The following IQGAP1 variants were observed in gnomAD, a reference collection of about 807,000 sequenced individuals.
IQGAP1 encodes ras GTPase-activating-like protein IQGAP1.
A neutral mutation model predicts 215.6 loss-of-function variants in IQGAP1; 66 were observed. The observed-to-expected ratio is 0.31, with a 90% CI of 0.25 to 0.38. The LOEUF (loss-of-function observed/expected upper bound fraction) is 0.38, where lower values mean the gene tolerates loss of function less well. Ranked by LOEUF, IQGAP1 falls within the 10% of genes least tolerant of loss-of-function variation. IQGAP1 has a pLI of 1.00. For synonymous variants in IQGAP1, 772 were observed against 728.7 expected, an observed-to-expected ratio of 1.06 and a Z score of -0.96; for missense variants, 1,712 against 1,997.1, an observed-to-expected ratio of 0.86 and a Z score of 2.72.
chr15:90,395,341 A>G (rs528305504), intron 2 of IQGAP1, among the ~76,000 whole-genome samples: 542 of 151,502 alleles, frequency 3.6e-3, no homozygotes, highest in Non-Finnish European at 5.4e-3. Flanking sequence ...TTTTTTTTGA[A>G]ACGGAGTCTC....
chr15:90,450,722 T>C (rs535486767), intron 11 of IQGAP1, among the ~76,000 whole-genome samples: 2 of 152,218 alleles, frequency 1.3e-5, no homozygotes, highest in South Asian at 2.1e-4. Context: ...TTTTTTCATA[T>C]ACCTGTTGGC....
At chr15:90,458,996 T>G (rs1965724893) in intron 15 of IQGAP1, among the ~76,000 whole-genome samples, 1 of 152,178 alleles carries the variant, frequency 6.6e-6, no homozygotes, top group Non-Finnish European at 1.5e-5. Context: ...TCACCAAAAC[T>G]TACAGAGCCC....
chr15:90,446,954 T>C lies in IQGAP1; in HGVS notation c.914-1619T>C, dbSNP rs1230262852. On this transcript the variant is annotated intron_variant, in intron 9 of 37. Coordinates refer to ENST00000268182, the MANE Select transcript of IQGAP1 (RefSeq NM_003870.4). ...TATTTAAGTAGTATGTGTACACTTCTAGAAAAAGCAAAATTTACTAGATGC... is the reference window on the plus strand; with the variant it reads ...TATTTAAGTAGTATGTGTACACTTCCAGAAAAAGCAAAATTTACTAGATGC... Among the ~76,000 whole-genome samples, 2 of 152,164 alleles carry C rather than the reference T, an allele frequency of 1.3e-5. 1 individual carries two copies. Among genetic ancestry groups the C allele is most frequent in the Non-Finnish European group, 2.9e-5 (2 of 68,030 alleles).
intron 15 of IQGAP1, among the ~76,000 whole-genome samples, chr15:90,458,613 T>C (rs1965719568): frequency 6.6e-6 from 1 of 152,242 alleles, no homozygotes; most frequent in Admixed American, 6.5e-5. Context: ...GAATCTGTAT[T>C]TTAAAAATGA....
chr15:90,484,665 T>C (rs931047098), intron 30 of IQGAP1, among the ~76,000 whole-genome samples: 6 of 152,062 alleles, frequency 3.9e-5, no homozygotes, highest in African/African-American at 1.2e-4. Context: ...CCCGCCACCG[T>C]GCCTGGCTAA....
Position 90,410,559 on chromosome 15 carries a change from T to C in IQGAP1, c.156-15551T>C, listed in dbSNP as rs570489319. On this transcript the variant is annotated intron_variant, in intron 2 of 37. Transcript: ENST00000268182. ...TAGGGACATGGATGAAGCTGGAAACTATCATTCTCAGCAAACTATCACAAG... is the reference window on the plus strand; with the variant it reads ...TAGGGACATGGATGAAGCTGGAAACCATCATTCTCAGCAAACTATCACAAG... Among the ~76,000 whole-genome samples the C allele has an allele frequency of 9.9e-4, 151 of 152,100 alleles. 1 individual carries two copies. Among genetic ancestry groups the C allele is most frequent in the African/African-American group, 3.4e-3 (143 of 41,500 alleles).
chr15:90,431,531 G>A (rs1253520658), intron 4 of IQGAP1, among the ~76,000 whole-genome samples: 1 of 152,088 alleles, frequency 6.6e-6, no homozygotes, highest in Non-Finnish European at 1.5e-5. Flanking sequence ...TTGTTACTAC[G>A]AGATGCTTTT....
At chr15:90,462,875 A>AT (rs910286201) in intron 15 of IQGAP1, among the ~76,000 whole-genome samples, 1 of 152,132 alleles carries the variant, frequency 6.6e-6, no homozygotes, top group Admixed American at 6.5e-5. Flanking sequence ...CTTAGATAGC[A>AT]TTTTTACAGC....
At chr15:90,453,397 G>A (rs1965634965) in intron 13 of IQGAP1, 105 bp downstream of exon 13, 2 of 833,998 alleles carry the variant, frequency 2.4e-6, no homozygotes, top group African/African-American at 3.5e-5. Context: ...ACTTTATCAT[G>A]GTCATACTTT....
At chr15:90,405,602 ACT>A (rs1964866290) in intron 2 of IQGAP1, among the ~76,000 whole-genome samples, 1 of 152,208 alleles carries the variant, frequency 6.6e-6, no homozygotes, top group Non-Finnish European at 1.5e-5. Flanking sequence ...CTTCAGAAAT[ACT>A]GAGTTAAACC....
intron 8 of IQGAP1, among the ~76,000 whole-genome samples, chr15:90,442,059 C>T (rs1027381771): frequency 6.6e-6 from 1 of 152,136 alleles, no homozygotes; most frequent in Non-Finnish European, 1.5e-5. Context: ...AAATAAAATT[C>T]TAGAGCGTAG....
In IQGAP1 at chr15:90,441,622, T is replaced by G. The variant is rs12324924; in HGVS notation, c.766T>G (p.Ser256Ala). ...TGTAAATCTTGAAGAGCCCTTGGCA[T>G]CCACTTACCAGGATATACTTTACCA... ...MLVNLEEPLASTYQDILYQAK... is the reference protein window; with the variant it reads ...MLVNLEEPLAATYQDILYQAK... The change falls in exon 8 of 38, where the codon TCC becomes GCC. Residue 256 changes from serine to alanine, a missense_variant. Physicochemically the swap from Ser to Ala is moderately conservative, Grantham distance 99. This residue lies in a region of IQGAP1 where 1,021 missense variants were observed against 1,074.2 expected (regional missense o/e 0.95). Transcript: ENST00000268182. 15,532 of 1,613,894 alleles carry G rather than the reference T, an allele frequency of 9.6e-3. 99 individuals carry two copies. The highest frequency in any genetic ancestry group is 0.012 in the Non-Finnish European group (13,710 of 1,179,856).
intron 30 of IQGAP1, 106 bp downstream of exon 30, chr15:90,484,458 C>T (rs1668379704): frequency 3.9e-6 from 3 of 776,030 alleles, no homozygotes; most frequent in East Asian, 2.6e-5. Context: ...TGTAATCTAA[C>T]TGACAATGCA....
rs756660671 is a variant in IQGAP1, at chr15:90,474,495, G to T, written c.2586G>T (p.Glu862Asp). The change falls in exon 23 of 38, where the codon GAG (glutamate) becomes GAT (aspartate). Residue 862 changes from glutamate to aspartate, a missense_variant. Physicochemically the swap from Glu to Asp is conservative, Grantham distance 45. Transcript: ENST00000268182. ...RDDYKTLINA[E>D]DPPMVVVRKF... The stretch of plus-strand genomic sequence containing the variant: ...CATACTTTCTGTCAGTCAATGCTGA[G>T]GATCCTCCTATGGTTGTGGTCCGAA... 1.2e-6 allele frequency: 2 copies of T among 1,613,588 alleles called. No homozygotes were observed. The highest frequency in any genetic ancestry group is 2.2e-5 in the South Asian group (2 of 91,060).
intron 2 of IQGAP1, among the ~76,000 whole-genome samples, chr15:90,406,112 T>C (rs1343431425): frequency 6.6e-6 from 1 of 152,204 alleles, no homozygotes; most frequent in East Asian, 1.9e-4. Flanking sequence ...AAAAGATAAA[T>C]ATGACAAATT....
intron 15 of IQGAP1, among the ~76,000 whole-genome samples, chr15:90,461,858 G>A (rs968528351): frequency 2.6e-5 from 4 of 151,902 alleles, no homozygotes; most frequent in East Asian, 1.9e-4. Context: ...GACTTAAATC[G>A]GCTGGGTGCG....
At chr15:90,416,684 T>A (rs1288504151) in intron 2 of IQGAP1, among the ~76,000 whole-genome samples, 8 of 151,896 alleles carry the variant, frequency 5.3e-5, no homozygotes, top group African/African-American at 1.7e-4. Context: ...TTCACGCCAT[T>A]CTCCTGCCTC....
rs754781708 is a variant in IQGAP1, at chr15:90,483,368, G to T, written c.3563G>T (p.Gly1188Val). The stretch of plus-strand genomic sequence containing the variant: ...CTGTTTCGTCTGTTCCAGATTATTG[G>T]TAACTTGCTTTATTATCGATACATG... ...AGEDELLKII[G>V]NLLYYRYMNP... Residue 1188 changes from glycine to valine, a missense_variant, in exon 29 of 38, where the codon GGT (glycine) becomes GTT (valine). Transcript: ENST00000268182. The T allele has an allele frequency of 1.2e-5, 20 of 1,611,620 alleles. No homozygotes were observed. In the Admixed American group the frequency reaches 3.0e-4, roughly 24 times the overall value.
intron 33 of IQGAP1, among the ~76,000 whole-genome samples, chr15:90,488,729 G>A (rs1307115372): frequency 6.6e-6 from 1 of 152,144 alleles, no homozygotes; most frequent in Non-Finnish European, 1.5e-5. Flanking sequence ...GTATAAAGGT[G>A]GAAAGGATTT....
Sources: allele counts gnomAD v4.1 joint callset (sites outside exome capture counted in the v4.1 genomes callset), GRCh38; gene constraint gnomAD v4.1.1; regional missense constraint gnomAD v4.1.1; transcripts MANE v1.5; gene names NCBI Gene and HGNC (gene_info 2026-07-23, HGNC 2026-07-21).